GDA: variants seen among roughly 807,000 people sequenced by gnomAD.
GDA encodes the protein guanine deaminase.
Under a neutral mutation model 59.6 loss-of-function variants are expected in GDA, and 18 were observed. The observed-to-expected ratio is 0.30, with a 90% confidence interval of 0.21 to 0.45. The LOEUF (loss-of-function observed/expected upper bound fraction) is 0.45, where lower values mean the gene tolerates loss of function less well. Among genes scored for constraint, GDA ranks in the 20% least tolerant of loss-of-function variants. GDA has a pLI of 1.00. For missense variants in GDA, 427 were observed against 552.3 expected (o/e 0.77, Z 2.27); for synonymous variants, 201 against 201.1 (o/e 1.00, Z 0.00).
Position 72,248,350 on chromosome 9 carries a change from G to T in GDA, c.*8G>T. On this transcript the variant is annotated 3_prime_UTR_variant, in exon 14 of 14. Transcript: ENST00000358399. ...TTTTCCAGCTCAGTGTAAGACCCTC[G>T]GGCGTCTACAAAGTTCTCCTGGGAT... 1.9e-6 allele frequency: 3 copies of T among 1,613,320 alleles called. No homozygotes were observed. Among genetic ancestry groups the T allele is most frequent in the Non-Finnish European group, 2.5e-6 (3 of 1,179,384 alleles).
intron 1 of GDA, among the ~76,000 whole-genome samples, chr9:72,132,680 A>G (rs1013136406): frequency 6.6e-6 from 1 of 152,188 alleles, no homozygotes; most frequent in Admixed American, 6.5e-5. Flanking sequence ...ATGGTTGTCC[A>G]GAAACACTGA....
intron 10 of GDA, among the ~76,000 whole-genome samples, chr9:72,231,539 T>C (rs1293615220): frequency 6.6e-6 from 1 of 150,894 alleles, no homozygotes; most frequent in Non-Finnish European, 1.5e-5. Context: ...CACTTCAGCG[T>C]GGGTGACAGA....
intron 10 of GDA, among the ~76,000 whole-genome samples, chr9:72,236,496 G>A (rs972286440): frequency 2.0e-5 from 3 of 152,182 alleles, no homozygotes; most frequent in South Asian, 4.2e-4. Flanking sequence ...CTCCCACCAC[G>A]AAATTCACAC....
At chr9:72,246,354 G>A (rs979278869) in intron 12 of GDA, among the ~76,000 whole-genome samples, 1 of 152,138 alleles carries the variant, frequency 6.6e-6, no homozygotes, top group Non-Finnish European at 1.5e-5. Flanking sequence ...CACCATGTTG[G>A]CCAAGCTGGT....
chr9:72,235,678 C>CAG (rs1838895338), intron 10 of GDA, among the ~76,000 whole-genome samples: 2 of 139,906 alleles, frequency 1.4e-5, no homozygotes, highest in Admixed American at 1.4e-4. Context: ...GCCTGGGTGA[C>CAG]AGAGAGAGAC....
At chr9:72,161,042 G>A (rs889548733) in intron 1 of GDA, among the ~76,000 whole-genome samples, 5 of 151,540 alleles carry the variant, frequency 3.3e-5, no homozygotes, top group African/African-American at 7.3e-5. Context: ...AAGTAGCTGG[G>A]ACTACAGGTG....
chr9:72,250,665 G>T lies in GDA; in HGVS notation c.*2323G>T. The T allele has an allele frequency of 6.2e-6, 10 of 1,608,092 alleles. No individual in the cohort carries two copies. The highest frequency in any genetic ancestry group is 8.5e-6 in the Non-Finnish European group (10 of 1,178,176). ...TGAAATGTTGCCTTTGCCTAATGTAGGTTGACTTTCTGAATTGTGGAGAGG... is the reference window on the plus strand; with the variant it reads ...TGAAATGTTGCCTTTGCCTAATGTATGTTGACTTTCTGAATTGTGGAGAGG... On this transcript the variant is annotated 3_prime_UTR_variant, in exon 14 of 14. Transcript: ENST00000358399.
intron 1 of GDA, among the ~76,000 whole-genome samples, chr9:72,138,628 C>T (rs1323241549): frequency 6.6e-6 from 1 of 152,288 alleles, no homozygotes; most frequent in East Asian, 1.9e-4. Flanking sequence ...CATGATGGGT[C>T]GATGGAGTAT....
At chr9:72,148,415 A>C (rs1488776821), upstream of GDA, among the ~76,000 whole-genome samples, 1 of 152,040 alleles carries the variant, frequency 6.6e-6, no homozygotes, top group Non-Finnish European at 1.5e-5. Context: ...GGACACAATA[A>C]ATGCAATGGC....
intron 3 of GDA, among the ~76,000 whole-genome samples, chr9:72,203,821 T>C (rs987880526): frequency 3.3e-5 from 5 of 151,850 alleles, no homozygotes; most frequent in East Asian, 1.9e-4. Context: ...TTTTTTTTTT[T>C]CTTCTTTTTT....
downstream of GDA, chr9:72,256,843 G>A (rs975523224): frequency 6.6e-6 from 1 of 152,222 alleles, no homozygotes; most frequent in African/African-American, 2.4e-5. Flanking sequence ...AGTGAGGAGA[G>A]TCATCCTGGG....
In GDA at chr9:72,249,315, G is replaced by C. The variant is rs1225851287; in HGVS notation, c.*973G>C. ...TATTCCACCCAAACAATATGTTGTAGTTTCTGGAAATTCCATACTCAGATA... is the reference window on the plus strand; with the variant it reads ...TATTCCACCCAAACAATATGTTGTACTTTCTGGAAATTCCATACTCAGATA... On this transcript the variant is annotated 3_prime_UTR_variant, in exon 14 of 14. Coordinates refer to ENST00000358399, the MANE Select transcript of GDA (RefSeq NM_004293.5). 2.0e-6 allele frequency: 2 copies of C among 984,318 alleles called. No individual in the cohort carries two copies. The highest frequency in any genetic ancestry group is 2.3e-4 in the East Asian group (2 of 8,812). 61.0% of individuals were successfully genotyped at this position (984,318 alleles called of 1,614,324 possible). A position where few individuals can be genotyped will look rare whatever the true frequency, so the allele number is the denominator to read the frequency against.
chr9:72,240,437 A>C (rs1451663060), intron 10 of GDA, among the ~76,000 whole-genome samples: 2 of 152,218 alleles, frequency 1.3e-5, no homozygotes, highest in African/African-American at 4.8e-5. Flanking sequence ...GTGAGAGTTC[A>C]TGGACTCTTC....
chr9:72,227,955 C>T lies in GDA; in HGVS notation c.835C>T (p.His279Tyr). The T allele has an allele frequency of 6.2e-7, 1 of 1,600,056 alleles. No individual in the cohort carries two copies. The highest frequency in any genetic ancestry group is 8.6e-7 in the Non-Finnish European group (1 of 1,167,912). Reference protein sequence around the residue: ...NLLTNKTVMAHGCYLSAEELN... With the variant: ...NLLTNKTVMAYGCYLSAEELN... ...CTCTTCTCTCCAGACAGTGATGGCA[C>T]ACGGCTGCTACCTCTCTGCAGAAGA... The change falls in exon 9 of 14, where the codon CAC becomes TAC. Residue 279 changes from histidine to tyrosine, a missense_variant. His to Tyr is a moderately conservative substitution (Grantham distance 83). Transcript: ENST00000358399.
intron 1 of GDA, among the ~76,000 whole-genome samples, chr9:72,187,294 G>A (rs1218007898): frequency 6.6e-6 from 1 of 152,182 alleles, no homozygotes; most frequent in African/African-American, 2.4e-5. Context: ...AGGCCGTGAG[G>A]ACAGAGCTCT....
intron 1 of GDA, among the ~76,000 whole-genome samples, chr9:72,136,292 T>A (rs1277180495): frequency 6.6e-6 from 1 of 152,226 alleles, no homozygotes; most frequent in African/African-American, 2.4e-5. Context: ...ATGTTAAATA[T>A]TTTTTATACC....
chr9:72,233,811 A>G (rs1838644189), intron 10 of GDA, among the ~76,000 whole-genome samples: 1 of 152,056 alleles, frequency 6.6e-6, no homozygotes, highest in Non-Finnish European at 1.5e-5. Context: ...GCATGGTGAC[A>G]TGCACTTGTA....
At chr9:72,167,102 C>G (rs183689838) in intron 1 of GDA, among the ~76,000 whole-genome samples, 3 of 152,226 alleles carry the variant, frequency 2.0e-5, no homozygotes, top group Admixed American at 2.0e-4. Flanking sequence ...GGTCTTAAAG[C>G]CTGAAACTTA....
At chr9:72,173,569 G>A (rs1830226537) in intron 1 of GDA, among the ~76,000 whole-genome samples, 1 of 151,878 alleles carries the variant, frequency 6.6e-6, no homozygotes, top group Non-Finnish European at 1.5e-5. Flanking sequence ...GACCTCAAGT[G>A]ATCCAACCGC....
Sources: allele counts gnomAD v4.1 joint callset (sites outside exome capture counted in the v4.1 genomes callset), GRCh38; gene constraint gnomAD v4.1.1; transcripts MANE v1.5; gene names NCBI Gene and HGNC (gene_info 2026-07-23, HGNC 2026-07-21).